The following RTTN variants were observed in gnomAD, a reference collection of about 807,000 sequenced individuals.
The protein encoded by RTTN is rotatin.
In RTTN, 182 loss-of-function variants were observed where a neutral mutation model predicts 269.2. The observed-to-expected ratio is 0.68, with a 90% CI of 0.60 to 0.76. The LOEUF is 0.76. Among genes scored for constraint, RTTN ranks in the 30% least tolerant of loss-of-function variants. The pLI, the probability that RTTN is intolerant of heterozygous loss-of-function variation, is 0.00. For missense variants in RTTN, 2,545 were observed against 2,608.6 expected (o/e 0.98, Z 0.53); for synonymous variants, 1,006 against 963.5 (o/e 1.04, Z -0.82).
At chr18:70,047,684 T>C (rs1205554160) in intron 40 of RTTN, among the ~76,000 whole-genome samples, 1 of 152,254 alleles carries the variant, frequency 6.6e-6, no homozygotes, top group African/African-American at 2.4e-5. Flanking sequence ...TCCATTTTGG[T>C]CATGATATGA....
At chr18:70,205,607 G>A (rs370047422) in intron 1 of RTTN, 21 bp downstream of exon 1, 9 of 1,614,022 alleles carry the variant, frequency 5.6e-6, no homozygotes, top group Non-Finnish European at 7.6e-6. Context: ...TGCCTTGGGC[G>A]AGGGGCAAGC....
chr18:70,032,774 G>A (rs1599187246), intron 40 of RTTN, among the ~76,000 whole-genome samples: 1 of 152,032 alleles, frequency 6.6e-6, no homozygotes, highest in East Asian at 1.9e-4. Context: ...GATAATCCAG[G>A]CAAAAAATTA....
At chr18:70,130,391 T>C (rs1042406303) in intron 23 of RTTN, 1 of 152,006 alleles carries the variant, frequency 6.6e-6, no homozygotes, top group Non-Finnish European at 1.5e-5. Context: ...TGTCCATCAA[T>C]AGATGAATGG....
chr18:70,093,638 C>T (rs1477553887), intron 28 of RTTN, among the ~76,000 whole-genome samples: 3 of 152,142 alleles, frequency 2.0e-5, no homozygotes, highest in South Asian at 4.1e-4. Context: ...GGCCTTGCAT[C>T]CCAGGGATGA....
intron 27 of RTTN, among the ~76,000 whole-genome samples, chr18:70,113,411 G>A (rs2059525137): frequency 6.6e-6 from 1 of 152,158 alleles, no homozygotes; most frequent in African/African-American, 2.4e-5. Flanking sequence ...TGAAGAAAAT[G>A]AAACACTCAT....
chr18:70,084,643 A>C (rs1469645631), intron 32 of RTTN, among the ~76,000 whole-genome samples: 1 of 152,140 alleles, frequency 6.6e-6, no homozygotes, highest in East Asian at 1.9e-4. Context: ...AAAAGACTGA[A>C]AAGAGAGGAA....
chr18:70,162,258 A>G (rs1221454586), intron 14 of RTTN, among the ~76,000 whole-genome samples: 2 of 152,230 alleles, frequency 1.3e-5, no homozygotes, highest in African/African-American at 4.8e-5. Flanking sequence ...TTAACACAGA[A>G]AAACCAAATA....
At position 70,020,608 on chromosome 18, in the gene RTTN, T is replaced by C. The variant is rs569887225; in HGVS notation, c.6153+7A>G. ...TTTTAAGATATGTGGGGAGTTTAAG[T>C]GCGTACCTTCTGAATTACTCCTTTA... On this transcript the variant is annotated splice_region_variant and intron_variant, in intron 45 of 48. Coordinates refer to ENST00000640769, the MANE Select transcript of RTTN (RefSeq NM_173630.4). 1.9e-6 allele frequency: 3 copies of C among 1,610,876 alleles called. No individual in the cohort carries two copies. The highest frequency in any genetic ancestry group is 2.5e-6 in the Non-Finnish European group (3 of 1,177,440).
Position 70,109,698 on chromosome 18 carries a change from AAAG to A in RTTN, c.3700_3702del (p.Leu1234del), listed in dbSNP as rs759751176. 1 of 1,614,164 alleles carries A rather than the reference AAAG, an allele frequency of 6.2e-7. No individual in the cohort carries two copies. Among genetic ancestry groups the A allele is most frequent in the South Asian group, 1.1e-5 (1 of 91,084 alleles). Reference sequence around the variant, plus strand: ...AGAGCCAGCTGCGTTTGAAAAACGTAAAGAAGTTCCGAGCATTTCCTATGTATG... The same window carrying A: ...AGAGCCAGCTGCGTTTGAAAAACGTAAAGTTCCGAGCATTTCCTATGTATG... On this transcript the variant is annotated inframe_deletion, in exon 28 of 49. Transcript: ENST00000640769.
chr18:70,183,798 A>G (rs1427164511), intron 10 of RTTN, among the ~76,000 whole-genome samples: 2 of 152,176 alleles, frequency 1.3e-5, no homozygotes, highest in Non-Finnish European at 2.9e-5. Flanking sequence ...AAAATTTTTT[A>G]AAGTCTTGAG....
intron 28 of RTTN, among the ~76,000 whole-genome samples, chr18:70,097,794 T>G (rs1228278231): frequency 6.6e-6 from 1 of 152,236 alleles, no homozygotes; most frequent in Admixed American, 6.5e-5. Context: ...AGCCCTTTTG[T>G]TCTCCAATAC....
At chr18:70,065,218 T>C (rs1252883146) in intron 35 of RTTN, among the ~76,000 whole-genome samples, 1 of 147,264 alleles carries the variant, frequency 6.8e-6, no homozygotes, top group Non-Finnish European at 1.5e-5. Flanking sequence ...TATAGTCCTT[T>C]CAAGTCAAAA....
rs2056925828 is a variant in RTTN, at chr18:70,028,786, T to C, written c.5761A>G (p.Lys1921Glu). The C allele has an allele frequency of 6.2e-7, 1 of 1,610,872 alleles. No individual in the cohort carries two copies. Among genetic ancestry groups the C allele is most frequent in the Non-Finnish European group, 8.5e-7 (1 of 1,177,544 alleles). The stretch of plus-strand genomic sequence containing the variant: ...AGCTGCATGGCAATGCTTAACTCTT[T>C]AATAACACCATCCTCCTATTTAAAC... ...ALKKKEDGVI[K>E]ELSIAMQLLR... Residue 1921 changes from lysine (K) to glutamate (E), a missense_variant, in exon 43 of 49, where the codon AAA becomes GAA. Coordinates refer to ENST00000640769, the MANE Select transcript of RTTN (RefSeq NM_173630.4).
chr18:70,095,338 A>C (rs939796670), intron 28 of RTTN, among the ~76,000 whole-genome samples: 2 of 152,240 alleles, frequency 1.3e-5, no homozygotes, highest in South Asian at 4.2e-4. Flanking sequence ...TGATCCTGTC[A>C]TTACGATGTT....
At chr18:70,005,171 T>C (rs1462121693) in intron 48 of RTTN, 27 bp downstream of exon 48, 1 of 1,550,142 alleles carries the variant, frequency 6.5e-7, no homozygotes. Context: ...TGAGTTTAAC[T>C]ATAATCTCTT....
rs1473067397 is a variant in RTTN, at chr18:70,048,062, T to A, written c.5450A>T (p.His1817Leu). 7.4e-6 allele frequency: 12 copies of A among 1,614,014 alleles called. No individual in the cohort carries two copies. Among genetic ancestry groups the A allele is most frequent in the Non-Finnish European group, 1.0e-5 (12 of 1,179,980 alleles). Reference sequence around the variant, plus strand: ...AGCCACTGTTGGACTACAGCATAAATGTGTTTTGCTCTTAGCCTGGAGATG... The same window carrying A: ...AGCCACTGTTGGACTACAGCATAAAAGTGTTTTGCTCTTAGCCTGGAGATG... ...KGHLQAKSKTHLCCSPTVASL... is the reference protein window; with the variant it reads ...KGHLQAKSKTLLCCSPTVASL... Residue 1817 changes from histidine to leucine, a missense_variant, in exon 40 of 49, where the codon CAT (histidine) becomes CTT (leucine). Transcript: ENST00000640769.
intron 34 of RTTN, among the ~76,000 whole-genome samples, chr18:70,067,772 G>A (rs1174322501): frequency 2.0e-5 from 3 of 152,286 alleles, no homozygotes; most frequent in East Asian, 1.9e-4. Context: ...CCTGGTTTGC[G>A]GTTTCAACGA....
intron 32 of RTTN, among the ~76,000 whole-genome samples, chr18:70,080,974 T>A (rs1227217084): frequency 3.6e-5 from 5 of 139,842 alleles, no homozygotes; most frequent in African/African-American, 1.4e-4. Flanking sequence ...ACACACACAC[T>A]ATGGAATACT....
At chr18:70,115,739 T>A (rs1236637365) in intron 26 of RTTN, among the ~76,000 whole-genome samples, 2 of 151,912 alleles carry the variant, frequency 1.3e-5, no homozygotes, top group African/African-American at 2.4e-5. Context: ...TGTAAAAACA[T>A]ACAAAAAGAG....
Sources: allele counts gnomAD v4.1 joint callset (sites outside exome capture counted in the v4.1 genomes callset), GRCh38; gene constraint gnomAD v4.1.1; transcripts MANE v1.5; gene names NCBI Gene and HGNC (gene_info 2026-07-23, HGNC 2026-07-21).